Variants in THSD7B observed in about 807,000 individuals in gnomAD.
The protein encoded by THSD7B is thrombospondin type 1 domain containing 7B, also known as thrombospondin type-1 domain-containing protein 7B.
THSD7B carries 138 observed loss-of-function variants against 213.6 expected under a neutral mutation model. The ratio of observed to expected loss-of-function variants is 0.65; its 90% CI spans 0.56 to 0.74. The LOEUF is 0.74. Ranked by LOEUF, THSD7B falls within the 30% of genes least tolerant of loss-of-function variation. The pLI is 0.00. For missense variants in THSD7B, 1,931 were observed against 1,991.5 expected (o/e 0.97, Z 0.58); for synonymous variants, 742 against 687.0 (o/e 1.08, Z -1.25).
At chr2:137,060,981 A>G (rs547284932) in intron 3 of THSD7B, among the ~76,000 whole-genome samples, 1 of 152,018 alleles carries the variant, frequency 6.6e-6, no homozygotes, top group African/African-American at 2.4e-5. Context: ...ATTCTGGTAC[A>G]TAGGATATCT....
At chr2:137,624,112 A>G (rs1682575639) in intron 20 of THSD7B, among the ~76,000 whole-genome samples, 1 of 152,226 alleles carries the variant, frequency 6.6e-6, no homozygotes, top group Admixed American at 6.5e-5. Flanking sequence ...ACAGCATGGT[A>G]CTGGTACCAA....
chr2:137,576,732 G>A (rs1335477297), intron 17 of THSD7B, among the ~76,000 whole-genome samples: 1 of 151,896 alleles, frequency 6.6e-6, no homozygotes, highest in Non-Finnish European at 1.5e-5. Flanking sequence ...AGAAGAGAAA[G>A]AGAAATGCAT....
intron 20 of THSD7B, among the ~76,000 whole-genome samples, chr2:137,627,451 C>G (rs555577819): frequency 5.3e-5 from 8 of 152,294 alleles, no homozygotes; most frequent in African/African-American, 1.9e-4. Flanking sequence ...GGACCTGGAT[C>G]TGATTGTCAA....
intron 2 of THSD7B, among the ~76,000 whole-genome samples, chr2:137,007,688 T>C (rs898816594): frequency 2.0e-5 from 3 of 151,624 alleles, no homozygotes; most frequent in African/African-American, 7.3e-5. Flanking sequence ...TTGTATCATT[T>C]TGGTAGCATA....
chr2:136,803,992 T>G (rs1682239273), intron 1 of THSD7B, among the ~76,000 whole-genome samples: 1 of 152,156 alleles, frequency 6.6e-6, no homozygotes, highest in South Asian at 2.1e-4. Context: ...GTTCATCAAT[T>G]CAAATGGTAA....
At chr2:137,159,513 T>C (rs1477479546) in intron 5 of THSD7B, among the ~76,000 whole-genome samples, 3 of 151,722 alleles carry the variant, frequency 2.0e-5, no homozygotes, top group Non-Finnish European at 4.4e-5. Context: ...AGAGGACACA[T>C]GGTGAACACT....
chr2:137,673,367 G>A (rs1683620775), intron 27 of THSD7B, among the ~76,000 whole-genome samples: 1 of 152,190 alleles, frequency 6.6e-6, no homozygotes, highest in Admixed American at 6.5e-5. Context: ...AGTGCTGTTA[G>A]GAAGAATGAT....
intron 3 of THSD7B, 135 bp from the exon 4 acceptor site, chr2:137,094,738 T>C (rs1372190344): frequency 1.3e-5 from 15 of 1,127,150 alleles, no homozygotes; most frequent in Non-Finnish European, 1.9e-5. Context: ...ATGATGTCTC[T>C]AAAATTTTTT....
chr2:137,302,942 C>T (rs996522568), intron 12 of THSD7B, among the ~76,000 whole-genome samples: 8 of 152,104 alleles, frequency 5.3e-5, no homozygotes, highest in African/African-American at 1.9e-4. Flanking sequence ...AAAAGTAACT[C>T]GGTATGTAGT....
At chr2:136,848,758 T>C (rs1330841477) in intron 1 of THSD7B, among the ~76,000 whole-genome samples, 1 of 152,202 alleles carries the variant, frequency 6.6e-6, no homozygotes, top group Non-Finnish European at 1.5e-5. Flanking sequence ...TCTTATTCTC[T>C]TGAAAGTTTG....
intron 5 of THSD7B, among the ~76,000 whole-genome samples, chr2:137,130,389 T>G (rs2104952608): frequency 6.6e-6 from 1 of 152,204 alleles, no homozygotes; most frequent in East Asian, 1.9e-4. Context: ...ATTATTATTA[T>G]TATTATACTT....
At chr2:137,628,664 G>A (rs946966252) in intron 20 of THSD7B, among the ~76,000 whole-genome samples, 5 of 152,156 alleles carry the variant, frequency 3.3e-5, no homozygotes, top group African/African-American at 1.2e-4. Flanking sequence ...TTGTCCTCAA[G>A]GGCCACTGCT....
intron 14 of THSD7B, among the ~76,000 whole-genome samples, chr2:137,419,933 T>C (rs6724901): frequency 0.083 from 12,701 of 152,164 alleles, 1,117 homozygotes; most frequent in African/African-American, 0.22. Flanking sequence ...CTTTGCTATA[T>C]TGACTTTATG....
At chr2:136,829,927 T>C (rs1439056012) in intron 1 of THSD7B, among the ~76,000 whole-genome samples, 1 of 152,148 alleles carries the variant, frequency 6.6e-6, no homozygotes, top group Non-Finnish European at 1.5e-5. Context: ...TCTTGCCTCT[T>C]TTTATCTTTT....
chr2:137,418,764 C>T (rs1407839063), intron 14 of THSD7B, among the ~76,000 whole-genome samples: 2 of 152,166 alleles, frequency 1.3e-5, no homozygotes, highest in Admixed American at 6.5e-5. Flanking sequence ...ATAGCTCCCA[C>T]ATATAAGTGA....
chr2:137,361,561 GT>G (rs1365287048), intron 12 of THSD7B, among the ~76,000 whole-genome samples: 11 of 152,196 alleles, frequency 7.2e-5, no homozygotes, highest in African/African-American at 2.4e-4. Flanking sequence ...GCTGAAAACC[GT>G]GGCACGAGAA....
intron 4 of THSD7B, 70 bp from the exon 5 acceptor site, chr2:137,115,054 T>C: frequency 6.3e-7 from 1 of 1,578,280 alleles, no homozygotes; most frequent in East Asian, 2.3e-5. Flanking sequence ...ATGTCATGAC[T>C]TAAGTTTTCC....
At chr2:136,902,241 T>C (rs1254983174) in intron 2 of THSD7B, among the ~76,000 whole-genome samples, 1 of 152,234 alleles carries the variant, frequency 6.6e-6, no homozygotes, top group Non-Finnish European at 1.5e-5. Context: ...TATAGGGGTC[T>C]TGTTTAGGAT....
intron 15 of THSD7B, among the ~76,000 whole-genome samples, chr2:137,478,255 C>A (rs1197747793): frequency 6.6e-6 from 1 of 152,056 alleles, no homozygotes; most frequent in Non-Finnish European, 1.5e-5. Flanking sequence ...ATCATGTAGG[C>A]TTTAGTCATT....
Sources: allele counts gnomAD v4.1 joint callset (sites outside exome capture counted in the v4.1 genomes callset), GRCh38; gene constraint gnomAD v4.1.1; transcripts MANE v1.5; gene names NCBI Gene and HGNC (gene_info 2026-07-23, HGNC 2026-07-21).